The following SH3BGRL2 variants were observed in gnomAD, a reference collection of about 807,000 sequenced individuals.
SH3BGRL2 encodes the protein SH3 domain-binding glutamic acid-rich-like protein 2.
SH3BGRL2 carries 21 observed loss-of-function variants against 14.8 expected under a neutral mutation model. The ratio of observed to expected loss-of-function variants is 1.42; its 90% CI spans 1.01 to 2.05. The LOEUF (loss-of-function observed/expected upper bound fraction) is 2.05, where lower values mean the gene tolerates loss of function less well. Ranked by LOEUF, SH3BGRL2 falls within the 30% of genes most tolerant of loss-of-function variation. SH3BGRL2 has a pLI of 0.00. For synonymous variants in SH3BGRL2, 50 were observed against 47.8 expected, an observed-to-expected ratio of 1.05 and a Z score of -0.19; for missense variants, 147 against 130.8, an observed-to-expected ratio of 1.12 and a Z score of -0.61.
At chr6:79,661,351 A>C (rs1769543358) in intron 1 of SH3BGRL2, among the ~76,000 whole-genome samples, 1 of 152,192 alleles carries the variant, frequency 6.6e-6, no homozygotes, top group Non-Finnish European at 1.5e-5. Context: ...CATTGGTTTC[A>C]AAGAACATCT....
chr6:79,652,529 A>G (rs1293072807), intron 1 of SH3BGRL2, among the ~76,000 whole-genome samples: 1 of 152,130 alleles, frequency 6.6e-6, no homozygotes, highest in Non-Finnish European at 1.5e-5. Context: ...TTTCAGGTGT[A>G]CAGTAGGACA....
chr6:79,576,426 T>C, the SH3BGRL2 span, among the ~76,000 whole-genome samples: 1 of 152,194 alleles, frequency 6.6e-6, no homozygotes, highest in Admixed American at 6.5e-5. Flanking sequence ...ATGGTAATCT[T>C]AAATCAGCCA....
chr6:79,669,765 G>A (rs933002570), intron 1 of SH3BGRL2, among the ~76,000 whole-genome samples: 7 of 152,036 alleles, frequency 4.6e-5, no homozygotes, highest in African/African-American at 1.7e-4. Flanking sequence ...TATTCTAGTG[G>A]GGGAGATGGA....
the SH3BGRL2 span, among the ~76,000 whole-genome samples, chr6:79,605,264 C>T: frequency 3.0e-4 from 45 of 152,144 alleles, no homozygotes; most frequent in African/African-American, 1.0e-3. Flanking sequence ...TCCGGGTGAG[C>T]CCAGCCTGCA....
chr6:79,561,623 A>G, the SH3BGRL2 span: 1 of 152,220 alleles, frequency 6.6e-6, no homozygotes, highest in African/African-American at 2.4e-5. Context: ...ATCGAGCAAG[A>G]TATCTTCTCA....
intron 1 of SH3BGRL2, among the ~76,000 whole-genome samples, chr6:79,670,749 C>A (rs760940720): frequency 6.6e-6 from 1 of 152,132 alleles, no homozygotes; most frequent in Non-Finnish European, 1.5e-5. Context: ...TCATTAAGGA[C>A]CCAGGCTACT....
intron 1 of SH3BGRL2, among the ~76,000 whole-genome samples, chr6:79,658,919 C>T (rs1022000872): frequency 1.3e-5 from 2 of 152,056 alleles, no homozygotes; most frequent in Non-Finnish European, 2.9e-5. Flanking sequence ...TTCATGTGTC[C>T]GTTGGCTGCA....
the SH3BGRL2 span, among the ~76,000 whole-genome samples, chr6:79,604,351 G>T: frequency 6.6e-6 from 1 of 152,202 alleles, no homozygotes; most frequent in Non-Finnish European, 1.5e-5. Context: ...AAACACTTTT[G>T]CCATGTAGCT....
chr6:79,657,518 T>A (rs889777904), intron 1 of SH3BGRL2, among the ~76,000 whole-genome samples: 1 of 152,214 alleles, frequency 6.6e-6, no homozygotes, highest in African/African-American at 2.4e-5. Context: ...TTTAGTCTTT[T>A]GACATGAACA....
the SH3BGRL2 span, among the ~76,000 whole-genome samples, chr6:79,606,444 T>C: frequency 6.6e-6 from 1 of 152,334 alleles, no homozygotes; most frequent in East Asian, 1.9e-4. Context: ...TACATTAAAT[T>C]TCTCGTACTA....
intron 2 of SH3BGRL2, among the ~76,000 whole-genome samples, chr6:79,686,563 A>C (rs993966265): frequency 6.6e-6 from 1 of 152,126 alleles, no homozygotes; most frequent in Non-Finnish European, 1.5e-5. Context: ...TTTGGCAGTC[A>C]AACTTAATTT....
intron 2 of SH3BGRL2, among the ~76,000 whole-genome samples, 184 bp downstream of exon 2, chr6:79,673,983 G>A (rs889097496): frequency 3.3e-5 from 5 of 152,102 alleles, no homozygotes; most frequent in African/African-American, 1.2e-4. Flanking sequence ...GACTGTGTAT[G>A]TATGTGCGAG....
chr6:79,586,315 C>T, the SH3BGRL2 span, among the ~76,000 whole-genome samples: 1 of 113,950 alleles, frequency 8.8e-6, no homozygotes, highest in African/African-American at 3.4e-5. Context: ...CAAGACAATT[C>T]TTCTTCCAAT....
At chr6:79,543,654 G>A in the SH3BGRL2 span, among the ~76,000 whole-genome samples, 1 of 152,074 alleles carries the variant, frequency 6.6e-6, no homozygotes, top group Non-Finnish European at 1.5e-5. Context: ...AATCTTATAT[G>A]GAAACCCCAT....
chr6:79,556,163 TG>T, the SH3BGRL2 span, among the ~76,000 whole-genome samples: 1 of 152,104 alleles, frequency 6.6e-6, no homozygotes, highest in Non-Finnish European at 1.5e-5. Context: ...ATTAAAGTAG[TG>T]AAAGATGTTA....
the SH3BGRL2 span, among the ~76,000 whole-genome samples, chr6:79,593,886 G>A: frequency 6.6e-6 from 1 of 152,082 alleles, no homozygotes; most frequent in Admixed American, 6.6e-5. Context: ...ACAGTGACAA[G>A]AGATGGCAGA....
intron 1 of SH3BGRL2, among the ~76,000 whole-genome samples, chr6:79,635,209 C>A (rs563506700): frequency 2.6e-5 from 4 of 152,162 alleles, no homozygotes; most frequent in Non-Finnish European, 5.9e-5. Context: ...TAAATAAAAT[C>A]TTTTACTCCT....
chr6:79,657,145 C>T (rs1439609803), intron 1 of SH3BGRL2, among the ~76,000 whole-genome samples: 6 of 151,700 alleles, frequency 4.0e-5, no homozygotes, highest in African/African-American at 4.8e-5. Context: ...AGAGTAGGAC[C>T]AGGAGACTAT....
At chr6:79,618,914 C>CAAA in the SH3BGRL2 span, among the ~76,000 whole-genome samples, 24 of 76,304 alleles carry the variant, frequency 3.1e-4, 1 homozygote, top group African/African-American at 1.2e-3. Context: ...GAGACTCTGT[C>CAAA]AAAAAAAAAA....
Sources: gnomAD v4.1 joint callset for allele counts (sites outside exome capture counted in the v4.1 genomes callset) on GRCh38, gnomAD v4.1.1 for gene constraint, MANE v1.5 for transcripts, NCBI Gene and HGNC (gene_info 2026-07-23, HGNC 2026-07-21) for gene names.